FRMD4A: variants seen among roughly 807,000 people sequenced by gnomAD.
The protein encoded by FRMD4A is FERM domain containing 4A, also known as FERM domain-containing protein 4A.
Under a neutral mutation model 129.1 loss-of-function variants are expected in FRMD4A, and 29 were observed. The observed-to-expected ratio is 0.22, with a 90% CI of 0.17 to 0.31. The LOEUF is 0.31. Among genes scored for constraint, FRMD4A ranks in the 10% least tolerant of loss-of-function variants. The pLI is 1.00. For missense variants in FRMD4A, 1,272 were observed against 1,375.8 expected (o/e 0.92, Z 1.19); for synonymous variants, 634 against 571.6 (o/e 1.11, Z -1.56).
chr10:13,742,016 C>T (rs2091034804), intron 9 of FRMD4A, among the ~76,000 whole-genome samples: 1 of 152,064 alleles, frequency 6.6e-6, no homozygotes, highest in African/African-American at 2.4e-5. Context: ...GTCACCACAC[C>T]TTGCTAATTT....
intron 16 of FRMD4A, 86 bp from the exon 17 acceptor site, chr10:13,670,614 C>A (rs913524957): frequency 4.2e-6 from 6 of 1,418,156 alleles, no homozygotes; most frequent in Non-Finnish European, 5.9e-6. Context: ...CGCACATACA[C>A]GCACACAAAA....
intron 2 of FRMD4A, among the ~76,000 whole-genome samples, chr10:13,863,908 G>T (rs1430319882): frequency 1.3e-5 from 2 of 152,120 alleles, no homozygotes; most frequent in East Asian, 3.9e-4. Flanking sequence ...AGCAACTTCA[G>T]AACATTCTGC....
At chr10:13,798,513 G>C (rs2093174817) in intron 4 of FRMD4A, among the ~76,000 whole-genome samples, 1 of 152,192 alleles carries the variant, frequency 6.6e-6, no homozygotes, top group South Asian at 2.1e-4. Flanking sequence ...TCAGGAGATG[G>C]AGACCATCCT....
chr10:14,088,334 C>A (rs1468008496), intron 2 of FRMD4A, among the ~76,000 whole-genome samples: 1 of 151,668 alleles, frequency 6.6e-6, no homozygotes, highest in Non-Finnish European at 1.5e-5. Flanking sequence ...GTGGTCCTAA[C>A]TACTCAGGAG....
At chr10:14,038,700 T>C (rs185176140) in intron 2 of FRMD4A, among the ~76,000 whole-genome samples, 3 of 152,288 alleles carry the variant, frequency 2.0e-5, no homozygotes, top group Middle Eastern at 6.8e-3. Context: ...CCTCAGAATT[T>C]CCATTGTGTA....
intron 2 of FRMD4A, among the ~76,000 whole-genome samples, chr10:13,925,266 C>T (rs994016525): frequency 1.3e-5 from 2 of 152,112 alleles, no homozygotes; most frequent in African/African-American, 4.8e-5. Context: ...GGGGCTTGAT[C>T]TTGACCACTG....
chr10:13,944,798 G>A (rs1000698996), intron 2 of FRMD4A, among the ~76,000 whole-genome samples: 1 of 152,230 alleles, frequency 6.6e-6, no homozygotes, highest in African/African-American at 2.4e-5. Flanking sequence ...ACATTCTAAT[G>A]ATACGTGCCT....
intron 2 of FRMD4A, among the ~76,000 whole-genome samples, chr10:14,030,613 TC>T (rs1833193187): frequency 6.6e-6 from 1 of 152,206 alleles, no homozygotes; most frequent in African/African-American, 2.4e-5. Context: ...AAGCTGCCTG[TC>T]TGGGTCTAGT....
At chr10:13,660,976 A>G (rs1008755896) in intron 19 of FRMD4A, among the ~76,000 whole-genome samples, 1 of 152,140 alleles carries the variant, frequency 6.6e-6, no homozygotes, top group Non-Finnish European at 1.5e-5. Flanking sequence ...TGTCTGTTTC[A>G]TCTGCTGCTA....
In FRMD4A at chr10:13,799,302, C is replaced by T. The variant is rs375530249; in HGVS notation, c.207-2714G>A. On this transcript the variant is annotated intron_variant, in intron 4 of 24. Coordinates refer to ENST00000357447, the MANE Select transcript of FRMD4A (RefSeq NM_018027.5). ...CCTCCTGAGTAGCTGGGACTACAGG[C>T]GCAGGCCGCCATGCCCAGCTATTTT... 1.7e-3 allele frequency among the ~76,000 whole-genome samples: 253 copies of T among 152,240 alleles called. 2 individuals are homozygous for T. Among genetic ancestry groups the T allele is most frequent in the South Asian group, 7.3e-3 (35 of 4,818 alleles).
chr10:14,320,446 C>G (rs548086859), intron 2 of FRMD4A, among the ~76,000 whole-genome samples: 1 of 152,146 alleles, frequency 6.6e-6, no homozygotes, highest in African/African-American at 2.4e-5. Context: ...TTGTTCCCTC[C>G]ACTGGGAAGC....
At chr10:14,211,792 A>G (rs1351061417) in intron 2 of FRMD4A, among the ~76,000 whole-genome samples, 3 of 152,226 alleles carry the variant, frequency 2.0e-5, no homozygotes, top group Non-Finnish European at 4.4e-5. Flanking sequence ...GAATGATTCA[A>G]ATTAGTGTGA....
At chr10:14,078,565 G>A (rs899329274) in intron 2 of FRMD4A, among the ~76,000 whole-genome samples, 1 of 152,186 alleles carries the variant, frequency 6.6e-6, no homozygotes, top group African/African-American at 2.4e-5. Flanking sequence ...CACCTACTAC[G>A]TGTGAGATGC....
intron 2 of FRMD4A, among the ~76,000 whole-genome samples, chr10:14,126,120 ATCT>A (rs1838825295): frequency 6.6e-6 from 1 of 150,472 alleles, no homozygotes; most frequent in Non-Finnish European, 1.5e-5. Context: ...CTCTAAGATC[ATCT>A]TCTCTCTTAT....
chr10:14,026,485 C>A (rs1053608966), intron 2 of FRMD4A, among the ~76,000 whole-genome samples: 1 of 152,140 alleles, frequency 6.6e-6, no homozygotes, highest in African/African-American at 2.4e-5. Context: ...TGTTTTCAGG[C>A]CTCTAATGGA....
chr10:13,760,361 A>G (rs2092021393), intron 8 of FRMD4A, among the ~76,000 whole-genome samples: 1 of 152,076 alleles, frequency 6.6e-6, no homozygotes. Context: ...AAAAAATAAA[A>G]TAAAATAATT....
chr10:13,920,905 A>G (rs191968921), intron 2 of FRMD4A, among the ~76,000 whole-genome samples: 1 of 152,184 alleles, frequency 6.6e-6, no homozygotes, highest in South Asian at 2.1e-4. Flanking sequence ...CACTGAATCA[A>G]TTCTCACTAT....
At chr10:13,750,069 G>GAAGGAAGA (rs1382966135) in intron 8 of FRMD4A, among the ~76,000 whole-genome samples, 25 of 55,648 alleles carry the variant, frequency 4.5e-4, no homozygotes, top group South Asian at 4.2e-3. Context: ...AGGAAGGAAG[G>GAAGGAAGA]AAGAAAGAAA....
intron 3 of FRMD4A, among the ~76,000 whole-genome samples, chr10:13,853,597 G>C (rs1476121363): frequency 6.6e-6 from 1 of 151,968 alleles, no homozygotes; most frequent in African/African-American, 2.4e-5. Context: ...TTTGTGGGAG[G>C]CTGTTGTGGG....
Sources: gnomAD v4.1 joint callset for allele counts (sites outside exome capture counted in the v4.1 genomes callset) on GRCh38, gnomAD v4.1.1 for gene constraint, MANE v1.5 for transcripts, NCBI Gene and HGNC (gene_info 2026-07-23, HGNC 2026-07-21) for gene names.